FBXO34: variants seen among roughly 807,000 people sequenced by gnomAD.
FBXO34 encodes the protein F-box only protein 34.
Under a neutral mutation model 24.5 loss-of-function variants are expected in FBXO34, and 12 were observed. The ratio of observed to expected loss-of-function variants is 0.49; its 90% CI spans 0.31 to 0.79. FBXO34 has a LOEUF of 0.79. Among genes scored for constraint, FBXO34 ranks in the 30% least tolerant of loss-of-function variants. FBXO34 has a pLI of 0.04. For missense variants in FBXO34, 823 were observed against 857.7 expected (o/e 0.96, Z 0.51); for synonymous variants, 320 against 311.9 (o/e 1.03, Z -0.27).
the FBXO34 span, among the ~76,000 whole-genome samples, chr14:55,430,910 T>G: frequency 3.9e-5 from 6 of 152,252 alleles, no homozygotes; most frequent in African/African-American, 1.4e-4. Flanking sequence ...TGTTCAAGTT[T>G]GCATAGTCCT....
the FBXO34 span, among the ~76,000 whole-genome samples, chr14:55,442,921 T>C: frequency 1.3e-5 from 2 of 152,128 alleles, no homozygotes; most frequent in South Asian, 4.2e-4. Context: ...CAGGTGAGGA[T>C]GCAGTGAGAA....
At chr14:55,390,212 A>G in the FBXO34 span, among the ~76,000 whole-genome samples, 1 of 152,054 alleles carries the variant, frequency 6.6e-6, no homozygotes, top group Admixed American at 6.6e-5. Flanking sequence ...CTGGGATTAC[A>G]GGTGCCTGCC....
chr14:55,390,798 A>G, the FBXO34 span: 19 of 704,026 alleles, frequency 2.7e-5, no homozygotes, highest in East Asian at 5.4e-4. Flanking sequence ...AAATTCTCCA[A>G]GTTGCCACTG....
Position 55,350,684 on chromosome 14 carries a change from G to C in FBXO34, c.294G>C (p.Gln98His), listed in dbSNP as rs1474003553. The C allele has an allele frequency of 1.2e-6, 2 of 1,613,840 alleles. No individual in the cohort carries two copies. Among genetic ancestry groups the C allele is most frequent in the South Asian group, 2.2e-5 (2 of 91,016 alleles). ...ATGCACCATCTGCAACGATCCACCA[G>C]GGCGAAGAAGAAGGACCACTTGATA... Reference protein sequence around the residue: ...KKNAPSATIHQGEEEGPLDIW... With the variant: ...KKNAPSATIHHGEEEGPLDIW... Residue 98 changes from glutamine to histidine, a missense_variant, in exon 2 of 2, where the codon CAG becomes CAC. Gln to His is a conservative substitution (Grantham distance 24). Coordinates refer to ENST00000313833, the MANE Select transcript of FBXO34 (RefSeq NM_017943.4).
chr14:55,440,489 G>C, the FBXO34 span: 13 of 1,612,548 alleles, frequency 8.1e-6, no homozygotes, highest in South Asian at 4.4e-5. Flanking sequence ...GCGGGTAAGA[G>C]GGTAAGCGCG....
At chr14:55,417,744 G>A in the FBXO34 span, among the ~76,000 whole-genome samples, 1 of 152,132 alleles carries the variant, frequency 6.6e-6, no homozygotes, top group East Asian at 1.9e-4. Context: ...TATGAACCTT[G>A]CCTTTTAAGC....
chr14:55,369,765 C>T, downstream of FBXO34: 1 of 1,614,206 alleles, frequency 6.2e-7, no homozygotes, highest in East Asian at 2.2e-5. Flanking sequence ...GAAGGGATAT[C>T]ACAAAACCGG....
At chr14:55,293,653 A>G (rs1882021922) in intron 1 of FBXO34, among the ~76,000 whole-genome samples, 1 of 151,992 alleles carries the variant, frequency 6.6e-6, no homozygotes, top group Admixed American at 6.6e-5. Flanking sequence ...GTAGGAAAAA[A>G]GTATTGCTTA....
chr14:55,397,586 C>T, the FBXO34 span: 1 of 646,582 alleles, frequency 1.5e-6, no homozygotes, highest in African/African-American at 1.8e-5. Context: ...GGGGTGCACA[C>T]AACTGCTAAC....
intron 1 of FBXO34, chr14:55,299,118 C>A (rs974320599): frequency 6.1e-5 from 80 of 1,302,200 alleles, no homozygotes; most frequent in Non-Finnish European, 7.8e-5. Context: ...ATTAGAAGAA[C>A]TAGAACAGGA....
chr14:55,438,645 AAGG>A, the FBXO34 span: 1 of 152,248 alleles, frequency 6.6e-6, no homozygotes, highest in African/African-American at 2.4e-5. Flanking sequence ...CGAGGATTTG[AAGG>A]AGGATGTTTT....
chr14:55,395,706 T>G, the FBXO34 span, among the ~76,000 whole-genome samples: 1 of 152,232 alleles, frequency 6.6e-6, no homozygotes, highest in African/African-American at 2.4e-5. Context: ...TTTTTGTTTT[T>G]CTATGTCAAC....
At chr14:55,372,054 C>G (rs751451021), downstream of FBXO34, among the ~76,000 whole-genome samples, 2 of 152,102 alleles carry the variant, frequency 1.3e-5, no homozygotes, top group Non-Finnish European at 1.5e-5. Flanking sequence ...CAGTTCTACT[C>G]TAGAGCCATC....
chr14:55,340,695 G>A (rs932995445), intron 1 of FBXO34, among the ~76,000 whole-genome samples: 1 of 152,196 alleles, frequency 6.6e-6, no homozygotes, highest in African/African-American at 2.4e-5. Flanking sequence ...TCCAGCCAGG[G>A]ATTTGTGTGT....
chr14:55,306,271 A>T (rs539863957), intron 1 of FBXO34, among the ~76,000 whole-genome samples: 1 of 152,346 alleles, frequency 6.6e-6, no homozygotes, highest in South Asian at 2.1e-4. Flanking sequence ...TTCCTAAGGA[A>T]TAAAAGCAGT....
chr14:55,358,746 G>A (rs1251586571), intron 3 of FBXO34, among the ~76,000 whole-genome samples: 2 of 152,172 alleles, frequency 1.3e-5, no homozygotes, highest in Non-Finnish European at 2.9e-5. Context: ...GTAGTGGGCA[G>A]GGTAGTGGCT....
At chr14:55,373,068 C>T (rs1884853813), downstream of FBXO34, among the ~76,000 whole-genome samples, 1 of 152,146 alleles carries the variant, frequency 6.6e-6, no homozygotes, top group South Asian at 2.1e-4. Context: ...ATTAGAGATA[C>T]ATCACCTGCC....
At chr14:55,298,200 TGTGA>T (rs1053616104) in intron 1 of FBXO34, among the ~76,000 whole-genome samples, 5 of 143,570 alleles carry the variant, frequency 3.5e-5, no homozygotes, top group African/African-American at 1.3e-4. Context: ...CTTAAAACAC[TGTGA>T]GTTTTTTTTT....
the FBXO34 span, among the ~76,000 whole-genome samples, chr14:55,405,110 A>G: frequency 2.6e-5 from 4 of 152,350 alleles, no homozygotes; most frequent in East Asian, 1.9e-4. Flanking sequence ...TGAAGGACAC[A>G]GTGAAACAGT....
Sources: gnomAD v4.1 joint callset for allele counts (sites outside exome capture counted in the v4.1 genomes callset) on GRCh38, gnomAD v4.1.1 for gene constraint, MANE v1.5 for transcripts, NCBI Gene and HGNC (gene_info 2026-07-23, HGNC 2026-07-21) for gene names.